Variants in VANGL2 observed in about 807,000 individuals in gnomAD.
The protein encoded by VANGL2 is VANGL planar cell polarity protein 2, also known as vang-like protein 2.
In VANGL2, 14 loss-of-function variants were observed where a neutral mutation model predicts 50.2. That is an observed-to-expected ratio of 0.28 (90% CI 0.18 to 0.44). VANGL2 has a LOEUF of 0.44. VANGL2 is among the 20% of genes least tolerant of loss of function. The pLI, the probability that VANGL2 is intolerant of heterozygous loss-of-function variation, is 1.00. For missense variants in VANGL2, 533 were observed against 701.5 expected, an observed-to-expected ratio of 0.76 and a Z score of 2.71; for synonymous variants, 295 against 297.2, an observed-to-expected ratio of 0.99 and a Z score of 0.08.
chr1:160,406,549 C>T (rs537130031), intron 1 of VANGL2, among the ~76,000 whole-genome samples: 12 of 152,184 alleles, frequency 7.9e-5, no homozygotes, highest in Admixed American at 3.3e-4. Context: ...CTGTAGGCTC[C>T]GGCCACCATG....
chr1:160,427,250 C>T lies in VANGL2; in HGVS notation c.*1872C>T, dbSNP rs1162830470. 2.0e-5 allele frequency: 3 copies of T among 152,640 alleles called. No homozygotes were observed. Among genetic ancestry groups the T allele is most frequent in the Admixed American group, 2.0e-4 (3 of 15,276 alleles). 9.5% of individuals were successfully genotyped at this position (152,640 alleles called of 1,614,324 possible). Reference sequence around the variant, plus strand: ...ATAAATACCTCACTATCCTGGAAAACAGGGCCTGGATGGTGACTGGGGTCA... The same window carrying T: ...ATAAATACCTCACTATCCTGGAAAATAGGGCCTGGATGGTGACTGGGGTCA... On this transcript the variant is annotated 3_prime_UTR_variant, in exon 8 of 8. Coordinates refer to ENST00000368061, the MANE Select transcript of VANGL2 (RefSeq NM_020335.3).
chr1:160,408,190 G>A (rs74123194), intron 1 of VANGL2, among the ~76,000 whole-genome samples: 14,331 of 151,894 alleles, frequency 0.094, 969 homozygotes, highest in African/African-American at 0.2. Flanking sequence ...GAGAGACAGC[G>A]GAGCAGGTCT....
intron 6 of VANGL2, among the ~76,000 whole-genome samples, chr1:160,422,450 A>G (rs747545145): frequency 3.3e-5 from 5 of 152,206 alleles, no homozygotes; most frequent in Non-Finnish European, 5.9e-5. Flanking sequence ...GGATCTTTTC[A>G]AAGGGAATTT....
chr1:160,418,977 G>A (rs561583787), intron 3 of VANGL2, 25 bp from the exon 4 acceptor site: 10 of 1,593,670 alleles, frequency 6.3e-6, no homozygotes, highest in African/African-American at 2.7e-5. Context: ...TCCTTATTGT[G>A]TGGCTGGCCC....
At chr1:160,414,817 G>A (rs1187046414) in intron 1 of VANGL2, among the ~76,000 whole-genome samples, 1 of 151,200 alleles carries the variant, frequency 6.6e-6, no homozygotes, top group Non-Finnish European at 1.5e-5. Context: ...ATGAGGGGGT[G>A]GGGCCGGGCT....
chr1:160,422,216 C>T (rs1644256770), intron 6 of VANGL2, among the ~76,000 whole-genome samples: 1 of 152,208 alleles, frequency 6.6e-6, no homozygotes, highest in South Asian at 2.1e-4. Context: ...TCACCAACTC[C>T]ATTTCTGTGG....
rs1320350045 is a variant in VANGL2 at position 160,424,160 on chromosome 1, C to T, written c.1182C>T (p.Ile394=). 1.2e-6 allele frequency: 2 copies of T among 1,614,086 alleles called. No individual in the cohort carries two copies. The highest frequency in any genetic ancestry group is 2.2e-5 in the East Asian group (1 of 44,896). The change falls in exon 7 of 8, where the codon ATC becomes ATT. Residue 394 remains isoleucine (I), a synonymous_variant. Coordinates refer to ENST00000368061, the MANE Select transcript of VANGL2 (RefSeq NM_020335.3). ...ACCCCCGGGAGGCAGCCCAAGCCAT[C>T]TTTGCATCCATGGCCCGTGCCATGC... ...VMDPREAAQA[I]FASMARAMQK...
At position 160,419,687 on chromosome 1, in the gene VANGL2, T is replaced by C; in HGVS notation, c.800+78T>C. On this transcript the variant is annotated intron_variant, in intron 4 of 7. Transcript: ENST00000368061. The surrounding 1 kb of genome is among the most constrained non-coding windows in gnomAD (Gnocchi z 5.8). ...TGGAGTGACTGCTAGGGTGGGAGGG[T>C]ATGATGGTGGGCTGGAGGTGATGGG... 1 of 1,548,924 alleles carries C rather than the reference T, an allele frequency of 6.5e-7. No individual in the cohort carries two copies.
rs984033913 is a variant in VANGL2 at position 160,415,752 on chromosome 1, C to T, written c.-86C>T. 42 of 1,487,256 alleles carry T rather than the reference C, an allele frequency of 2.8e-5. No homozygotes were observed. Among genetic ancestry groups the T allele is most frequent in the Non-Finnish European group, 3.8e-5 (41 of 1,085,932 alleles). The allele number at this position is 1,487,256 out of a possible 1,614,324, so 92.1% of individuals were successfully genotyped here. On this transcript the variant is annotated 5_prime_UTR_variant, in exon 2 of 8. Transcript: ENST00000368061. ...AAGGTGCCTCTTGGCCTAAAGAAGC[C>T]GGTGCTGAAGGAGGTGGCTGTGGGG...
At position 160,425,470 on chromosome 1, in the gene VANGL2, CCTT is replaced by C. The variant is rs1215103042; in HGVS notation, c.*102_*104del. ...TCAGGCCCAGCCACATTCCTGCCAC[CCTT>C]CTTCTTCTTGCTCTTTTTTTTTTAC... On this transcript the variant is annotated 3_prime_UTR_variant, in exon 8 of 8. Coordinates refer to ENST00000368061, the MANE Select transcript of VANGL2 (RefSeq NM_020335.3). The C allele has an allele frequency of 7.8e-5, 80 of 1,024,194 alleles. No individual in the cohort carries two copies. Among genetic ancestry groups the C allele is most frequent in the Non-Finnish European group, 9.3e-5 (69 of 739,874 alleles). 63.4% of individuals were successfully genotyped at this position (1,024,194 alleles called of 1,614,324 possible). A position where few individuals can be genotyped will look rare whatever the true frequency, so the allele number is the denominator to read the frequency against.
At chr1:160,411,588 G>C (rs983714596) in intron 1 of VANGL2, among the ~76,000 whole-genome samples, 4 of 152,170 alleles carry the variant, frequency 2.6e-5, no homozygotes, top group Non-Finnish European at 5.9e-5. Context: ...AAGGGTCTCA[G>C]AAGTCGGGTT....
chr1:160,403,463 G>T (rs1650551510), intron 1 of VANGL2, among the ~76,000 whole-genome samples: 1 of 152,142 alleles, frequency 6.6e-6, no homozygotes, highest in African/African-American at 2.4e-5. Context: ...TTCTTCCGGG[G>T]CAGGCCTCTC....
intron 3 of VANGL2, among the ~76,000 whole-genome samples, chr1:160,416,905 C>A (rs1651078374): frequency 6.6e-6 from 1 of 152,162 alleles, no homozygotes; most frequent in Non-Finnish European, 1.5e-5. Flanking sequence ...AGATTCCCAG[C>A]TCCTTTTTCC....
chr1:160,407,612 T>C (rs1019995188), intron 1 of VANGL2, among the ~76,000 whole-genome samples: 1 of 152,094 alleles, frequency 6.6e-6, no homozygotes, highest in Non-Finnish European at 1.5e-5. Context: ...GCTTTGAAGG[T>C]CTTTTGGGGC....
Position 160,419,777 on chromosome 1 carries a change from T to G in VANGL2, c.800+168T>G, listed in dbSNP as rs1172404950. Among the ~76,000 whole-genome samples the G allele has an allele frequency of 6.6e-6, 1 of 151,974 alleles. No homozygotes were observed. Among genetic ancestry groups the G allele is most frequent in the Non-Finnish European group, 1.5e-5 (1 of 68,020 alleles). On this transcript the variant is annotated intron_variant, in intron 4 of 7. Transcript: ENST00000368061. This position sits in a 1 kb window ranked among gnomAD's most constrained non-coding sequence, Gnocchi z 5.8. ...CAAGTAGGTTTTCACCAATGTTTGC[T>G]GCTTGATAGGCAGGTTCATGTACAC...
intron 1 of VANGL2, among the ~76,000 whole-genome samples, chr1:160,410,037 T>C (rs1557906398): frequency 6.6e-6 from 1 of 152,094 alleles, no homozygotes; most frequent in Non-Finnish European, 1.5e-5. Flanking sequence ...AGACCTTTAG[T>C]GGGCAGGGGC....
At chr1:160,421,219 T>C (rs780162899) in intron 6 of VANGL2, 32 bp downstream of exon 6, 6 of 1,605,982 alleles carry the variant, frequency 3.7e-6, no homozygotes, top group Non-Finnish European at 5.1e-6. Flanking sequence ...GGAGAGGAGG[T>C]GCTTGTTGGG....
At chr1:160,418,932 C>A in intron 3 of VANGL2, 70 bp from the exon 4 acceptor site, 3 of 1,541,206 alleles carry the variant, frequency 1.9e-6, no homozygotes, top group Admixed American at 1.9e-5. Flanking sequence ...CACCCTTTCT[C>A]CTGTTTCCCT....
rs760566236 is a variant in VANGL2 at position 160,425,204 on chromosome 1, C to T, written c.1392C>T (p.Ser464=). The change falls in exon 8 of 8, where the codon AGC becomes AGT. Residue 464 remains serine (S), a synonymous_variant. Transcript: ENST00000368061. The part of the protein sequence containing the change: ...RWLAKQWTLV[S]EEPVTNGLKD... ...TGGCCAAACAGTGGACATTGGTGAG[C>T]GAGGAGCCGGTGACCAACGGCCTCA... The T allele has an allele frequency of 1.5e-5, 25 of 1,613,982 alleles. No individual in the cohort carries two copies. The highest frequency in any genetic ancestry group is 1.3e-4 in the South Asian group (12 of 91,078).
Sources: gnomAD v4.1 joint callset for allele counts (sites outside exome capture counted in the v4.1 genomes callset) on GRCh38, gnomAD v4.1.1 for gene constraint, Gnocchi (gnomAD v3.1) non-coding constraint, MANE v1.5 for transcripts, NCBI Gene and HGNC (gene_info 2026-07-23, HGNC 2026-07-21) for gene names.